Variants in TRAPPC12 observed in about 807,000 individuals in gnomAD.
TRAPPC12 encodes the protein TPR repeat protein 15.
A neutral mutation model predicts 69.2 loss-of-function variants in TRAPPC12; 61 were observed. The observed-to-expected ratio is 0.88, with a 90% CI of 0.72 to 1.09. The LOEUF is 1.09. TRAPPC12 is among the 50% of genes least tolerant of loss of function. The pLI, the probability that TRAPPC12 is intolerant of heterozygous loss-of-function variation, is 0.00. For synonymous variants in TRAPPC12, 469 were observed against 438.9 expected, an observed-to-expected ratio of 1.07 and a Z score of -0.86; for missense variants, 1,101 against 1,016.4, an observed-to-expected ratio of 1.08 and a Z score of -1.13.
intron 9 of TRAPPC12, among the ~76,000 whole-genome samples, chr2:3,476,926 C>A (rs1666318253): frequency 6.6e-6 from 1 of 152,256 alleles, no homozygotes; most frequent in Admixed American, 6.5e-5. Context: ...TCTGTCTTTA[C>A]CCTCGTGAGC....
intron 9 of TRAPPC12, among the ~76,000 whole-genome samples, chr2:3,470,131 A>G (rs1412998407): frequency 1.3e-5 from 2 of 152,220 alleles, no homozygotes; most frequent in African/African-American, 2.4e-5. Flanking sequence ...CGCTTGGCAA[A>G]GCACAAAGGC....
intron 5 of TRAPPC12, among the ~76,000 whole-genome samples, chr2:3,440,159 T>G (rs1664118259): frequency 6.6e-6 from 1 of 152,206 alleles, no homozygotes; most frequent in African/African-American, 2.4e-5. Context: ...TCTTTGATAT[T>G]GTGTTGGATG....
chr2:3,401,724 G>A lies in TRAPPC12; in HGVS notation c.1048-53G>A. The stretch of plus-strand genomic sequence containing the variant: ...GTTTAGTTATGGGTTCTGGTTAGCT[G>A]AGTTTAGTTGACATTTTATTGTCTT... On this transcript the variant is annotated intron_variant, in intron 2 of 11. Coordinates refer to ENST00000324266, the MANE Select transcript of TRAPPC12 (RefSeq NM_016030.6). The A allele has an allele frequency of 2.4e-6, 3 of 1,269,084 alleles. No homozygotes were observed. The East Asian group carries it at 7.5e-5, about 32-fold the overall frequency. 78.6% of individuals were successfully genotyped at this position (1,269,084 alleles called of 1,614,324 possible). A position where few individuals can be genotyped will look rare whatever the true frequency, so the allele number is the denominator to read the frequency against.
intron 2 of TRAPPC12, among the ~76,000 whole-genome samples, chr2:3,392,100 A>G (rs1352260872): frequency 6.6e-6 from 1 of 152,158 alleles, no homozygotes; most frequent in African/African-American, 2.4e-5. Flanking sequence ...GGGTGAGCAT[A>G]TGACATTTAG....
intron 5 of TRAPPC12, among the ~76,000 whole-genome samples, chr2:3,435,035 T>C (rs1663672727): frequency 6.6e-6 from 1 of 152,218 alleles, no homozygotes. Flanking sequence ...CTTTTTGAGA[T>C]GGAGTCTCGC....
intron 6 of TRAPPC12, chr2:3,456,905 G>A: frequency 3.0e-6 from 1 of 335,026 alleles, no homozygotes; most frequent in South Asian, 2.2e-5. Context: ...CAGGCTTGAT[G>A]CTTTTCTTAA....
intron 7 of TRAPPC12, chr2:3,457,998 C>G: frequency 8.2e-7 from 1 of 1,216,636 alleles, no homozygotes. Flanking sequence ...AGGAAGGAGC[C>G]CAGCCCAGCC....
chr2:3,426,264 G>A (rs545264497), intron 5 of TRAPPC12, among the ~76,000 whole-genome samples: 2 of 152,376 alleles, frequency 1.3e-5, no homozygotes, highest in East Asian at 1.9e-4. Context: ...CAAAGAGATT[G>A]TCTTGATGGA....
intron 6 of TRAPPC12, chr2:3,456,787 C>T (rs1157138746): frequency 1.2e-5 from 3 of 249,818 alleles, no homozygotes; most frequent in African/African-American, 2.4e-5. Context: ...CCATGTTGCC[C>T]CAGCTGGTCT....
chr2:3,440,323 T>C (rs963088089), intron 5 of TRAPPC12, among the ~76,000 whole-genome samples: 12 of 152,244 alleles, frequency 7.9e-5, no homozygotes, highest in African/African-American at 2.7e-4. Flanking sequence ...TGTCCATGAA[T>C]GTGGAATATC....
chr2:3,409,936 C>T (rs1302190440), intron 3 of TRAPPC12, among the ~76,000 whole-genome samples: 1 of 152,144 alleles, frequency 6.6e-6, no homozygotes, highest in Non-Finnish European at 1.5e-5. Flanking sequence ...GGGTCTGGGC[C>T]TTGCCCCTTT....
chr2:3,452,475 C>T (rs952495824), intron 6 of TRAPPC12, among the ~76,000 whole-genome samples: 2 of 152,196 alleles, frequency 1.3e-5, no homozygotes, highest in African/African-American at 4.8e-5. Context: ...TGTGGCCGGT[C>T]AGCTGGGTCT....
chr2:3,401,549 T>C (rs539493338), intron 2 of TRAPPC12, among the ~76,000 whole-genome samples: 107 of 152,378 alleles, frequency 7.0e-4, no homozygotes, highest in African/African-American at 2.5e-3. Context: ...AATAAAGATA[T>C]AATTTTTAAA....
At chr2:3,434,877 T>TC (rs1663660849) in intron 5 of TRAPPC12, among the ~76,000 whole-genome samples, 1 of 152,210 alleles carries the variant, frequency 6.6e-6, no homozygotes, top group African/African-American at 2.4e-5. Flanking sequence ...AGCCATCTCT[T>TC]CCCTGCCACA....
At chr2:3,395,146 T>C (rs1661053706) in intron 2 of TRAPPC12, among the ~76,000 whole-genome samples, 1 of 152,224 alleles carries the variant, frequency 6.6e-6, no homozygotes, top group African/African-American at 2.4e-5. Flanking sequence ...GTCAGCAGCG[T>C]ATGAGAGTTC....
chr2:3,392,462 C>T (rs1368552816), intron 2 of TRAPPC12, among the ~76,000 whole-genome samples: 1 of 152,210 alleles, frequency 6.6e-6, no homozygotes, highest in African/African-American at 2.4e-5. Flanking sequence ...AATGCAGCCA[C>T]AACACTGCAG....
intron 2 of TRAPPC12, among the ~76,000 whole-genome samples, chr2:3,401,408 G>A (rs561560210): frequency 1.4e-4 from 22 of 152,302 alleles, no homozygotes; most frequent in Admixed American, 1.4e-3. Context: ...CATGCTCCTG[G>A]GCCTCCCTAG....
At chr2:3,395,042 T>A (rs184581017) in intron 2 of TRAPPC12, among the ~76,000 whole-genome samples, 297 of 152,112 alleles carry the variant, frequency 2.0e-3, no homozygotes, top group Non-Finnish European at 3.3e-3. Context: ...GGTAAAAACT[T>A]AATAGTATAC....
intron 5 of TRAPPC12, among the ~76,000 whole-genome samples, chr2:3,441,933 C>T (rs1480831980): frequency 1.3e-5 from 2 of 152,098 alleles, no homozygotes; most frequent in African/African-American, 4.8e-5. Context: ...CTTTTACATC[C>T]AGAAGCACCC....
Sources: gnomAD v4.1 joint callset for allele counts (sites outside exome capture counted in the v4.1 genomes callset) on GRCh38, gnomAD v4.1.1 for gene constraint, MANE v1.5 for transcripts, NCBI Gene and HGNC (gene_info 2026-07-23, HGNC 2026-07-21) for gene names.